Variants in SNX2 observed in about 807,000 individuals in gnomAD.
The protein encoded by SNX2 is sorting nexin 2.
Under a neutral mutation model 69.9 loss-of-function variants are expected in SNX2, and 25 were observed. The observed-to-expected ratio is 0.36, with a 90% CI of 0.26 to 0.50. SNX2 has a LOEUF of 0.50. SNX2 is among the 20% of genes least tolerant of loss of function. The pLI is 0.97. For synonymous variants in SNX2, 229 were observed against 200.4 expected (o/e 1.14, Z -1.20); for missense variants, 551 against 613.3 (o/e 0.90, Z 1.07).
At chr5:122,801,652 C>CATGTGTGTGT (rs113836294) in intron 3 of SNX2, among the ~76,000 whole-genome samples, 13 of 132,120 alleles carry the variant, frequency 9.8e-5, no homozygotes, top group African/African-American at 3.6e-4. Flanking sequence ...TGGTCTTTTT[C>CATGTGTGTGT]GTGTGTGTGT....
At chr5:122,822,498 G>A (rs1342043423) in intron 11 of SNX2, among the ~76,000 whole-genome samples, 1 of 152,026 alleles carries the variant, frequency 6.6e-6, no homozygotes, top group Admixed American at 6.6e-5. Context: ...TATCCATATC[G>A]AGCGTACTTT....
chr5:122,783,314 G>T (rs1753016843), intron 1 of SNX2, among the ~76,000 whole-genome samples: 2 of 152,046 alleles, frequency 1.3e-5, no homozygotes, highest in African/African-American at 4.8e-5. Flanking sequence ...ACATTTAAAG[G>T]AAAGCTATCT....
intron 7 of SNX2, among the ~76,000 whole-genome samples, chr5:122,815,001 G>A (rs917453857): frequency 6.6e-5 from 10 of 152,206 alleles, no homozygotes; most frequent in Non-Finnish European, 1.3e-4. Flanking sequence ...CACCCGCCTC[G>A]GCCTCCCAAA....
In SNX2 at chr5:122,830,968, C is replaced by G. The variant is rs947244470; in HGVS notation, c.*1320C>G. 1.5e-5 allele frequency among the ~76,000 whole-genome samples: 2 copies of G among 132,618 alleles called. No individual in the cohort carries two copies. The highest frequency in any genetic ancestry group is 5.8e-5 in the African/African-American group (2 of 34,382). 87.0% of individuals were successfully genotyped at this position (132,618 alleles called of 152,430 possible). A position where few individuals can be genotyped will look rare whatever the true frequency, so the allele number is the denominator to read the frequency against. Reference sequence around the variant, plus strand: ...AGGTTGCAGTGAGCCAAGATCATGCCGTTGCACGCCAGCCTAGGCAACAAA... The same window carrying G: ...AGGTTGCAGTGAGCCAAGATCATGCGGTTGCACGCCAGCCTAGGCAACAAA... On this transcript the variant is annotated 3_prime_UTR_variant, in exon 15 of 15. Coordinates refer to ENST00000379516, the MANE Select transcript of SNX2 (RefSeq NM_003100.4).
At chr5:122,805,814 T>C (rs531904023) in intron 6 of SNX2, among the ~76,000 whole-genome samples, 239 of 152,230 alleles carry the variant, frequency 1.6e-3, no homozygotes, top group African/African-American at 5.2e-3. Context: ...GGAGTCTTGC[T>C]CTGTTGCCCA....
At chr5:122,802,234 C>T in intron 5 of SNX2, 110 bp downstream of exon 5, 1 of 957,852 alleles carries the variant, frequency 1.0e-6, no homozygotes, top group South Asian at 1.4e-5. Flanking sequence ...AGGTTACCAC[C>T]TAATAAAGAT....
rs764054696 is a variant in SNX2 at position 122,799,786 on chromosome 5, A to G, written c.321A>G (p.Thr107=). ...CAGTCACACCTGTCACTCCTACTAC[A>G]CTCATTGCTCCTAGAATTGAATCAA... ...SPAVTPVTPT[T]LIAPRIESKS... Residue 107 remains threonine (T), a synonymous_variant, in exon 3 of 15, where the codon ACA becomes ACG. Coordinates refer to ENST00000379516, the MANE Select transcript of SNX2 (RefSeq NM_003100.4). The G allele has an allele frequency of 6.2e-7, 1 of 1,613,400 alleles. No homozygotes were observed. Among genetic ancestry groups the G allele is most frequent in the East Asian group, 2.2e-5 (1 of 44,850 alleles).
chr5:122,782,139 A>G (rs562781352), intron 1 of SNX2, among the ~76,000 whole-genome samples: 10 of 152,322 alleles, frequency 6.6e-5, no homozygotes, highest in East Asian at 1.9e-4. Context: ...TTTAATATAT[A>G]TTCACTAATG....
At chr5:122,826,892 A>G (rs909388864) in intron 12 of SNX2, among the ~76,000 whole-genome samples, 24 of 152,062 alleles carry the variant, frequency 1.6e-4, no homozygotes, top group Admixed American at 1.4e-3. Context: ...TTACCATTAC[A>G]AAAATATTTT....
Position 122,817,039 on chromosome 5 carries a change from A to G in SNX2, c.912+11A>G. 6 of 1,588,812 alleles carry G rather than the reference A, an allele frequency of 3.8e-6. No individual in the cohort carries two copies. The highest frequency in any genetic ancestry group is 5.2e-6 in the Non-Finnish European group (6 of 1,157,520). On this transcript the variant is annotated intron_variant, in intron 9 of 14. Coordinates refer to ENST00000379516, the MANE Select transcript of SNX2 (RefSeq NM_003100.4). The stretch of plus-strand genomic sequence containing the variant: ...AATGAATCGGATGCAGTAAGAGCTG[A>G]TTTTTCGGCTTGAATAATGAGATGA...
At chr5:122,810,385 C>G (rs1581639607) in intron 7 of SNX2, among the ~76,000 whole-genome samples, 1 of 130,280 alleles carries the variant, frequency 7.7e-6, no homozygotes, top group South Asian at 2.5e-4. Context: ...GAGAAACACC[C>G]AAGAATGATC....
At chr5:122,817,684 TTTG>T (rs1258168993) in intron 10 of SNX2, among the ~76,000 whole-genome samples, 3 of 152,122 alleles carry the variant, frequency 2.0e-5, no homozygotes, top group African/African-American at 7.2e-5. Context: ...TGATTAACTT[TTTG>T]TTAAGTATAG....
chr5:122,815,780 C>G, intron 7 of SNX2, 116 bp from the exon 8 acceptor site: 1 of 509,624 alleles, frequency 2.0e-6, no homozygotes. Context: ...TGAGAGTAGT[C>G]TAATACGAGG....
At position 122,827,471 on chromosome 5, in the gene SNX2, A is replaced by G; in HGVS notation, c.1437+12A>G. 1 of 1,611,652 alleles carries G rather than the reference A, an allele frequency of 6.2e-7. No individual in the cohort carries two copies. Among genetic ancestry groups the G allele is most frequent in the East Asian group, 2.2e-5 (1 of 44,764 alleles). ...TGGGAAGATTTGAGGCATGTATAAT[A>G]ATTTTGCATTTATCTTAACAACATG... On this transcript the variant is annotated intron_variant, in intron 13 of 14. Transcript: ENST00000379516.
At chr5:122,827,721 T>C (rs1412101196) in intron 14 of SNX2, 75 bp downstream of exon 14, 6 of 995,998 alleles carry the variant, frequency 6.0e-6, no homozygotes, top group East Asian at 4.9e-5. Flanking sequence ...AAAAGATGAT[T>C]AATGAACTGG....
chr5:122,807,800 G>A (rs1246153556), intron 6 of SNX2, among the ~76,000 whole-genome samples: 2 of 152,062 alleles, frequency 1.3e-5, no homozygotes, highest in African/African-American at 4.8e-5. Context: ...ATCTGCAGGA[G>A]GGAAAACATA....
At position 122,775,501 on chromosome 5, in the gene SNX2, G is replaced by T. The variant is rs549423997; in HGVS notation, c.108+290G>T. On this transcript the variant is annotated intron_variant, in intron 1 of 14. Coordinates refer to ENST00000379516, the MANE Select transcript of SNX2 (RefSeq NM_003100.4). Reference sequence around the variant, plus strand: ...TTTCCCAGCTCAGCTGGCCTTCCTCGGTGTCTCTTGCACGTCCTCCTCTTC... The same window carrying T: ...TTTCCCAGCTCAGCTGGCCTTCCTCTGTGTCTCTTGCACGTCCTCCTCTTC... 1.6e-5 allele frequency: 18 copies of T among 1,106,412 alleles called. No individual in the cohort carries two copies. The East Asian group carries it at 8.2e-4, about 51-fold the overall frequency. The allele number at this position is 1,106,412 out of a possible 1,614,324, so 68.5% of individuals were successfully genotyped here. A position where few individuals can be genotyped will look rare whatever the true frequency, so the allele number is the denominator to read the frequency against.
chr5:122,810,867 G>A (rs1753759973), intron 7 of SNX2, among the ~76,000 whole-genome samples: 1 of 152,162 alleles, frequency 6.6e-6, no homozygotes, highest in Non-Finnish European at 1.5e-5. Flanking sequence ...TAGGCATAAA[G>A]GTGTAGAAGC....
At chr5:122,784,950 T>C (rs545709965) in intron 1 of SNX2, among the ~76,000 whole-genome samples, 1 of 152,340 alleles carries the variant, frequency 6.6e-6, no homozygotes, top group Admixed American at 6.5e-5. Flanking sequence ...AGTATGTATC[T>C]TTTAAGGAAT....
Sources: allele counts gnomAD v4.1 joint callset (sites outside exome capture counted in the v4.1 genomes callset), GRCh38; gene constraint gnomAD v4.1.1; transcripts MANE v1.5; gene names NCBI Gene and HGNC (gene_info 2026-07-23, HGNC 2026-07-21).